The following CENPK variants were observed in gnomAD, a reference collection of about 807,000 sequenced individuals.
CENPK encodes SoxLZ/Sox6-binding protein Solt.
Under a neutral mutation model 40.9 loss-of-function variants are expected in CENPK, and 46 were observed. The observed-to-expected ratio is 1.13, with a 90% CI of 0.89 to 1.44. The LOEUF (loss-of-function observed/expected upper bound fraction) is 1.44, where lower values mean the gene tolerates loss of function less well. Among genes scored for constraint, CENPK ranks in the 40% most tolerant of loss-of-function variants. The pLI is 0.00. For missense variants in CENPK, 288 were observed against 303.5 expected (o/e 0.95, Z 0.38); for synonymous variants, 107 against 104.4 (o/e 1.02, Z -0.15).
intron 9 of CENPK, 112 bp downstream of exon 9, chr5:65,528,340 A>G (rs1035610637): frequency 1.1e-6 from 1 of 909,428 alleles, no homozygotes; most frequent in Non-Finnish European, 1.5e-6. Flanking sequence ...TGATAATGGC[A>G]TATTTCCATA....
chr5:65,553,376 G>A (rs975610057), intron 3 of CENPK, among the ~76,000 whole-genome samples: 15 of 150,702 alleles, frequency 1.0e-4, no homozygotes, highest in Admixed American at 3.3e-4. Flanking sequence ...AAAAGAAATC[G>A]AAATCCATAA....
At chr5:65,561,003 A>T (rs1481121797) in intron 2 of CENPK, 1 of 152,214 alleles carries the variant, frequency 6.6e-6, no homozygotes, top group African/African-American at 2.4e-5. Flanking sequence ...TGGGCAAGTC[A>T]CTTAAACTTT....
At chr5:65,546,670 A>C (rs1304171345) in intron 5 of CENPK, among the ~76,000 whole-genome samples, 3 of 152,182 alleles carry the variant, frequency 2.0e-5, no homozygotes, top group Non-Finnish European at 4.4e-5. Context: ...ATTAGAGTTG[A>C]CCCTAATCCA....
At chr5:65,551,772 C>T (rs1750105307) in intron 4 of CENPK, 136 bp from the exon 5 acceptor site, 1 of 443,648 alleles carries the variant, frequency 2.3e-6, no homozygotes, top group South Asian at 6.8e-5. Flanking sequence ...CCAGAGGCAA[C>T]TTTATTTTAA....
At position 65,542,787 on chromosome 5, in the gene CENPK, CATT is replaced by C; in HGVS notation, c.288+12_288+14del. 12 of 1,596,264 alleles carry C rather than the reference CATT, an allele frequency of 7.5e-6. No individual in the cohort carries two copies. The highest frequency in any genetic ancestry group is 9.4e-6 in the Non-Finnish European group (11 of 1,169,658). ...AAATTATTTGGGGTCACTACAAATT[CATT>C]GAGTGGCTTACCTCTTCTTTTCCTA... On this transcript the variant is annotated intron_variant, in intron 6 of 10. Transcript: ENST00000396679.
At chr5:65,562,145 G>T (rs1752083292) in intron 1 of CENPK, among the ~76,000 whole-genome samples, 1 of 152,034 alleles carries the variant, frequency 6.6e-6, no homozygotes, top group Non-Finnish European at 1.5e-5. Flanking sequence ...ATGTTAACTA[G>T]CTACATTATT....
At position 65,518,592 on chromosome 5, in the gene CENPK, A is replaced by G. The variant is rs1580864222; in HGVS notation, c.693T>C (p.Tyr231=). 6.3e-7 allele frequency: 1 copy of G among 1,598,714 alleles called. No homozygotes were observed. The highest frequency in any genetic ancestry group is 2.2e-5 in the East Asian group (1 of 44,766). ...GCCAAAAGGAATCACTAATTTTGACATATGGATCATGTGGAACATCAAATA... is the reference window on the plus strand; with the variant it reads ...GCCAAAAGGAATCACTAATTTTGACGTATGGATCATGTGGAACATCAAATA... ...NRLFDVPHDP[Y]VKISDSFWPP... is the part of the protein sequence containing the mutation. The change falls in exon 11 of 11, where the codon TAT becomes TAC. Residue 231 remains tyrosine (Y), a synonymous_variant. Transcript: ENST00000396679.
At chr5:65,508,187 A>T in the CENPK span, among the ~76,000 whole-genome samples, 1 of 152,174 alleles carries the variant, frequency 6.6e-6, no homozygotes, top group East Asian at 1.9e-4. Flanking sequence ...TGATGCAAAG[A>T]TCCTATTTCA....
chr5:65,501,575 G>T, the CENPK span, among the ~76,000 whole-genome samples: 1 of 145,250 alleles, frequency 6.9e-6, no homozygotes, highest in Non-Finnish European at 1.5e-5. Flanking sequence ...GGACATTTTG[G>T]TTATTATAAC....
At chr5:65,506,349 C>CAAAAAA in the CENPK span, among the ~76,000 whole-genome samples, 2 of 132,716 alleles carry the variant, frequency 1.5e-5, no homozygotes, top group African/African-American at 5.7e-5. Flanking sequence ...GAACTTATCT[C>CAAAAAA]AAAAAAAAAA....
In CENPK at chr5:65,538,351, C is replaced by T. The variant is rs565782956; in HGVS notation, c.288+4451G>A. On this transcript the variant is annotated intron_variant, in intron 6 of 10. Coordinates refer to ENST00000396679, the MANE Select transcript of CENPK (RefSeq NM_022145.5). ...AAAACTCAAAAACTTACTATGAATGCTATGTTTATGAATAAGGCTTTATGA... is the reference window on the plus strand; with the variant it reads ...AAAACTCAAAAACTTACTATGAATGTTATGTTTATGAATAAGGCTTTATGA... Among the ~76,000 whole-genome samples, 367 of 152,160 alleles carry T rather than the reference C, an allele frequency of 2.4e-3. 1 individual carries two copies. Among genetic ancestry groups the T allele is most frequent in the African/African-American group, 8.6e-3 (355 of 41,512 alleles).
At chr5:65,543,441 T>A (rs1267427887) in intron 5 of CENPK, among the ~76,000 whole-genome samples, 3 of 152,186 alleles carry the variant, frequency 2.0e-5, no homozygotes, top group Non-Finnish European at 4.4e-5. Context: ...ATATCCTATG[T>A]ACACATATGT....
rs554866447 is a variant in CENPK at position 65,559,892 on chromosome 5, T to C, written c.-40+1571A>G. ...AAAATAATCCAAATAGATATATATT[T>C]TATATATAATACTGTTTTTTAAATG... On this transcript the variant is annotated intron_variant, in intron 2 of 10. Coordinates refer to ENST00000396679, the MANE Select transcript of CENPK (RefSeq NM_022145.5). 1.3e-5 allele frequency among the ~76,000 whole-genome samples: 2 copies of C among 152,048 alleles called. 1 individual carries two copies. Among genetic ancestry groups the C allele is most frequent in the Admixed American group, 1.3e-4 (2 of 15,292 alleles).
At chr5:65,551,175 G>T (rs71594468) in intron 5 of CENPK, 1 of 410,734 alleles carries the variant, frequency 2.4e-6, no homozygotes, top group Non-Finnish European at 4.8e-6. Context: ...ACTTGAACCC[G>T]GGAGATCGGG....
At chr5:65,512,151 G>C in the CENPK span, among the ~76,000 whole-genome samples, 3 of 152,238 alleles carry the variant, frequency 2.0e-5, no homozygotes, top group Non-Finnish European at 4.4e-5. Context: ...AACTTGAACA[G>C]ATGAGGAGTT....
chr5:65,507,276 C>T, the CENPK span, among the ~76,000 whole-genome samples: 1 of 152,054 alleles, frequency 6.6e-6, no homozygotes, highest in Non-Finnish European at 1.5e-5. Flanking sequence ...TCCAAAGTTC[C>T]TCAGAAGATA....
At chr5:65,524,839 G>A (rs190927086) in intron 9 of CENPK, among the ~76,000 whole-genome samples, 2 of 152,200 alleles carry the variant, frequency 1.3e-5, no homozygotes, top group Admixed American at 6.5e-5. Flanking sequence ...TAAGGGTATA[G>A]GAAAAAGAAT....
At chr5:65,497,944 A>G in the CENPK span, among the ~76,000 whole-genome samples, 5,031 of 152,296 alleles carry the variant, frequency 0.033, 279 homozygotes, top group African/African-American at 0.12. Context: ...AATAAAAACA[A>G]TATAGTGTGG....
intron 9 of CENPK, among the ~76,000 whole-genome samples, chr5:65,523,275 C>T (rs1036016614): frequency 6.6e-6 from 1 of 152,136 alleles, no homozygotes; most frequent in Non-Finnish European, 1.5e-5. Flanking sequence ...AAATGTTCAA[C>T]AGGACAGACT....
Sources: allele counts gnomAD v4.1 joint callset (sites outside exome capture counted in the v4.1 genomes callset), GRCh38; gene constraint gnomAD v4.1.1; transcripts MANE v1.5; gene names NCBI Gene and HGNC (gene_info 2026-07-23, HGNC 2026-07-21).